Variants in JPH2 observed in about 807,000 individuals in gnomAD.
JPH2 encodes the protein junctophilin 2.
A neutral mutation model predicts 55.9 loss-of-function variants in JPH2; 38 were observed. The observed-to-expected ratio is 0.68, with a 90% CI of 0.52 to 0.89. The LOEUF (loss-of-function observed/expected upper bound fraction) is 0.89, where lower values mean the gene tolerates loss of function less well. JPH2 is among the 40% of genes least tolerant of loss of function. The probability of loss-of-function intolerance (pLI) is 0.00; values close to 1 mark genes in which losing one functional copy is unlikely to be tolerated. For synonymous variants in JPH2, 480 were observed against 472.4 expected (o/e 1.02, Z -0.21); for missense variants, 964 against 1,037.6 (o/e 0.93, Z 0.97).
intron 2 of JPH2, among the ~76,000 whole-genome samples, chr20:44,146,636 C>T (rs560743695): frequency 4.0e-4 from 61 of 152,286 alleles, no homozygotes; most frequent in African/African-American, 1.4e-3. Flanking sequence ...GAACTTCCTA[C>T]CTATCCAGGC....
intron 2 of JPH2, among the ~76,000 whole-genome samples, chr20:44,127,887 T>C (rs184958550): frequency 1.3e-5 from 2 of 152,206 alleles, no homozygotes; most frequent in South Asian, 2.1e-4. Context: ...ATGTTGAGCA[T>C]CTATGTGCTT....
At chr20:44,155,518 G>T (rs1204526578) in intron 2 of JPH2, among the ~76,000 whole-genome samples, 3 of 152,178 alleles carry the variant, frequency 2.0e-5, no homozygotes, top group Non-Finnish European at 1.5e-5. Context: ...CCTCCAAAAG[G>T]TGTGCCTGAA....
chr20:44,142,744 C>T (rs1344991167), intron 2 of JPH2, among the ~76,000 whole-genome samples: 4 of 152,252 alleles, frequency 2.6e-5, no homozygotes, highest in African/African-American at 7.2e-5. Context: ...TTCAGGTTTT[C>T]TTCCCCAAGA....
chr20:44,184,478 A>C (rs1189989668), intron 1 of JPH2, among the ~76,000 whole-genome samples: 1 of 152,204 alleles, frequency 6.6e-6, no homozygotes, highest in African/African-American at 2.4e-5. Flanking sequence ...TCTGATGAGA[A>C]GGTCTGGGTG....
intron 1 of JPH2, among the ~76,000 whole-genome samples, chr20:44,164,710 A>G (rs892639520): frequency 2.0e-5 from 3 of 149,166 alleles, no homozygotes; most frequent in Admixed American, 6.6e-5. Flanking sequence ...AAACAAACAA[A>G]CAAACAAACC....
Position 44,160,325 on chromosome 20 carries a change from C to A in JPH2, c.462G>T (p.Val154=). 6.4e-7 allele frequency: 1 copy of A among 1,570,008 alleles called. No homozygotes were observed. The part of the protein sequence containing the change: ...RQSVPYGMAV[V]VRSPLRTSLS... Reference sequence around the variant, plus strand: ...GCGACGTGCGCAGCGGCGAGCGCACCACCACGGCCATCCCGTAGGGCACGC... The same window carrying A: ...GCGACGTGCGCAGCGGCGAGCGCACAACCACGGCCATCCCGTAGGGCACGC... The change falls in exon 2 of 6, where the codon GTG becomes GTT. Residue 154 remains valine, a synonymous_variant. Transcript: ENST00000372980. This position sits in a 1 kb window ranked among gnomAD's most constrained non-coding sequence, Gnocchi z 4.9.
intron 2 of JPH2, among the ~76,000 whole-genome samples, chr20:44,132,399 C>CACACACACACACACAG (rs71195518): frequency 0.013 from 1,730 of 130,436 alleles, 47 homozygotes; most frequent in East Asian, 0.03. Flanking sequence ...CACACACACA[C>CACACACACACACACAG]ACATTTGGGC....
chr20:44,163,549 A>G (rs2072631124), intron 1 of JPH2, among the ~76,000 whole-genome samples: 1 of 152,212 alleles, frequency 6.6e-6, no homozygotes, highest in African/African-American at 2.4e-5. Context: ...GATCATGTAC[A>G]ATGCCAGGGG....
intron 1 of JPH2, among the ~76,000 whole-genome samples, chr20:44,184,057 T>C (rs540579117): frequency 4.0e-4 from 60 of 151,558 alleles, no homozygotes; most frequent in Non-Finnish European, 8.1e-4. Context: ...CTTGGGAGGC[T>C]GATGTAGGAG....
chr20:44,122,399 G>A (rs2072243794), intron 2 of JPH2, among the ~76,000 whole-genome samples: 1 of 152,180 alleles, frequency 6.6e-6, no homozygotes, highest in South Asian at 2.1e-4. Context: ...AATTTATGGG[G>A]TTGCCAAAAA....
chr20:44,146,866 G>C (rs1352902536), intron 2 of JPH2, among the ~76,000 whole-genome samples: 2 of 152,156 alleles, frequency 1.3e-5, no homozygotes, highest in South Asian at 4.1e-4. Context: ...ACTGTTGTGG[G>C]GGTTATAAAT....
intron 1 of JPH2, chr20:44,177,542 G>C: frequency 1.8e-6 from 2 of 1,132,364 alleles, no homozygotes; most frequent in Non-Finnish European, 2.2e-6. Flanking sequence ...GTGCTCTCCT[G>C]GGGTCTCCAT....
chr20:44,137,143 C>G (rs2072418543), intron 2 of JPH2, among the ~76,000 whole-genome samples: 2 of 152,184 alleles, frequency 1.3e-5, no homozygotes, highest in African/African-American at 4.8e-5. Flanking sequence ...TTTTTGTTAT[C>G]ACTACTTAGC....
At chr20:44,136,115 G>A (rs1462454571) in intron 2 of JPH2, among the ~76,000 whole-genome samples, 1 of 152,204 alleles carries the variant, frequency 6.6e-6, no homozygotes, top group Non-Finnish European at 1.5e-5. Context: ...TCCACAGGAG[G>A]TGCTTCATGG....
At chr20:44,165,048 G>A (rs986292342) in intron 1 of JPH2, among the ~76,000 whole-genome samples, 2 of 151,978 alleles carry the variant, frequency 1.3e-5, no homozygotes, top group African/African-American at 4.8e-5. Context: ...ATGTTGGCCA[G>A]GCTGGTCTCA....
intron 2 of JPH2, among the ~76,000 whole-genome samples, chr20:44,134,926 T>TATAA (rs1367832571): frequency 0.026 from 1,216 of 46,762 alleles, 35 homozygotes; most frequent in African/African-American, 0.08. Flanking sequence ...TATATATATT[T>TATAA]ATATATATAT....
At chr20:44,125,151 G>T (rs1267175171) in intron 2 of JPH2, among the ~76,000 whole-genome samples, 2 of 150,442 alleles carry the variant, frequency 1.3e-5, no homozygotes, top group Admixed American at 1.3e-4. Flanking sequence ...TGTGACACAT[G>T]AAAATTATAT....
intron 2 of JPH2, among the ~76,000 whole-genome samples, chr20:44,126,139 AGAGGGAGGGAGG>A (rs745435456): frequency 2.9e-4 from 11 of 37,614 alleles, no homozygotes; most frequent in Admixed American, 7.1e-4. Flanking sequence ...AGAAAAAGAG[AGAGGGAGGGAGG>A]GAGGGAGGGA....
chr20:44,150,690 ATT>A (rs2072525004), intron 2 of JPH2, among the ~76,000 whole-genome samples: 1 of 152,222 alleles, frequency 6.6e-6, no homozygotes, highest in African/African-American at 2.4e-5. Flanking sequence ...TATATAGATC[ATT>A]GGAACAGAAT....
Sources: gnomAD v4.1 joint callset for allele counts (sites outside exome capture counted in the v4.1 genomes callset) on GRCh38, gnomAD v4.1.1 for gene constraint, Gnocchi (gnomAD v3.1) non-coding constraint, MANE v1.5 for transcripts, NCBI Gene and HGNC (gene_info 2026-07-23, HGNC 2026-07-21) for gene names.